The following NF1 variants were observed in gnomAD, a reference collection of about 807,000 sequenced individuals.
NF1 encodes neurofibromin 1.
In NF1, 122 loss-of-function variants were observed where a neutral mutation model predicts 325.7. That is an observed-to-expected ratio of 0.37 (90% CI 0.32 to 0.44). The LOEUF (loss-of-function observed/expected upper bound fraction) is 0.44, where lower values mean the gene tolerates loss of function less well. Among genes scored for constraint, NF1 ranks in the 20% least tolerant of loss-of-function variants. The probability of loss-of-function intolerance (pLI) is 1.00; values close to 1 mark genes in which losing one functional copy is unlikely to be tolerated. For missense variants in NF1, 2,140 were observed against 3,415.4 expected (o/e 0.63, Z 9.31); for synonymous variants, 1,091 against 1,186.0 (o/e 0.92, Z 1.65).
intron 47 of NF1, among the ~76,000 whole-genome samples, chr17:31,341,688 GGTGT>G (rs142968323): frequency 1.6e-3 from 233 of 147,112 alleles, no homozygotes; most frequent in African/African-American, 5.3e-3. Context: ...GTGCTAATGG[GGTGT>G]GTGTGTGTGT....
At chr17:31,288,547 G>A (rs1280944351) in intron 36 of NF1, among the ~76,000 whole-genome samples, 1 of 59,488 alleles carries the variant, frequency 1.7e-5, no homozygotes, top group Non-Finnish European at 5.0e-5. Flanking sequence ...TTTTTTTTTT[G>A]GAGTGGGAGA....
chr17:31,227,552 A>T lies in NF1; in HGVS notation c.2355A>T (p.Glu785Asp), dbSNP rs876658622. ...EAWEDTHAKWEQATKLILNYP... is the reference protein window; with the variant it reads ...EAWEDTHAKWDQATKLILNYP... The stretch of plus-strand genomic sequence containing the variant: ...GGGAAGATACACATGCAAAATGGGA[A>T]CAAGCAACAAAGCTAATCCTTAACT... Residue 785 changes from glutamate (E) to aspartate (D), a missense_variant, in exon 20 of 58, where the codon GAA becomes GAT. Physicochemically the swap from Glu to Asp is conservative, Grantham distance 45. Transcript: ENST00000358273. 6.2e-7 allele frequency: 1 copy of T among 1,613,924 alleles called. No individual in the cohort carries two copies. Among genetic ancestry groups the T allele is most frequent in the Non-Finnish European group, 8.5e-7 (1 of 1,179,832 alleles).
At chr17:31,304,064 T>C (rs1237066518) in intron 36 of NF1, 1 of 503,200 alleles carries the variant, frequency 2.0e-6, no homozygotes, top group Non-Finnish European at 3.5e-6. Context: ...ATAGGTACTA[T>C]AATTAGTAAA....
intron 1 of NF1, among the ~76,000 whole-genome samples, chr17:31,121,557 G>A (rs1914444062): frequency 6.6e-6 from 1 of 151,540 alleles, no homozygotes; most frequent in South Asian, 2.1e-4. Flanking sequence ...CCCAGCTGTG[G>A]GTTTGTTATA....
At chr17:31,206,411 A>G (rs186695585) in intron 12 of NF1, 40 bp downstream of exon 12, 40 of 1,611,956 alleles carry the variant, frequency 2.5e-5, no homozygotes, top group African/African-American at 4.0e-5. Context: ...CCTCCTTTCT[A>G]TTGCATTTTT....
rs117984423 is a variant in NF1 at position 31,100,282 on chromosome 17, C to T, written c.60+4913C>T. ...GTATAAAATGATTGGCAAGTATCTT[C>T]GAAATTACAAACCACATACTGATTA... is the stretch of plus-strand genomic sequence containing the variant. On this transcript the variant is annotated intron_variant, in intron 1 of 57. Transcript: ENST00000358273. Among the ~76,000 whole-genome samples, 61 of 152,172 alleles carry T rather than the reference C, an allele frequency of 4.0e-4. No homozygotes were observed. The East Asian group carries it at 8.5e-3, about 21-fold the overall frequency.
intron 29 of NF1, among the ~76,000 whole-genome samples, chr17:31,244,654 T>G (rs2067360155): frequency 6.6e-6 from 1 of 152,116 alleles, no homozygotes; most frequent in African/African-American, 2.4e-5. Context: ...AAATGCAGAT[T>G]TTCTTTGCAC....
intron 36 of NF1, among the ~76,000 whole-genome samples, chr17:31,324,070 TTTTTTG>T (rs994298070): frequency 6.6e-6 from 1 of 152,172 alleles, no homozygotes; most frequent in African/African-American, 2.4e-5. Flanking sequence ...TTTTTTGGTT[TTTTTTG>T]TTTTTGTTTT....
At chr17:31,129,801 T>C (rs1213248071) in intron 1 of NF1, among the ~76,000 whole-genome samples, 2 of 152,226 alleles carry the variant, frequency 1.3e-5, no homozygotes, top group Non-Finnish European at 2.9e-5. Flanking sequence ...CTATTTTGTC[T>C]GTCAGCTCTG....
intron 36 of NF1, among the ~76,000 whole-genome samples, chr17:31,291,075 C>G (rs1279709274): frequency 6.6e-6 from 1 of 152,026 alleles, no homozygotes; most frequent in Non-Finnish European, 1.5e-5. Flanking sequence ...ACTTCTTTTT[C>G]TATTCTTGCT....
At position 31,364,395 on chromosome 17, in the gene NF1, A is replaced by G. The variant is rs74835305; in HGVS notation, c.8377+3692A>G. On this transcript the variant is annotated intron_variant, in intron 57 of 57. Coordinates refer to ENST00000358273, the MANE Select transcript of NF1 (RefSeq NM_001042492.3). ...GCTATAAATGTTTCATGTCAATGCAAAACTCTTCATTCTAGATCTTTGATG... is the reference window on the plus strand; with the variant it reads ...GCTATAAATGTTTCATGTCAATGCAGAACTCTTCATTCTAGATCTTTGATG... 2.1e-3 allele frequency among the ~76,000 whole-genome samples: 324 copies of G among 152,352 alleles called. 1 individual carries two copies. Among genetic ancestry groups the G allele is most frequent in the African/African-American group, 7.3e-3 (304 of 41,588 alleles).
chr17:31,333,685 C>A (rs1247726825), intron 39 of NF1, among the ~76,000 whole-genome samples: 1 of 152,138 alleles, frequency 6.6e-6, no homozygotes, highest in Non-Finnish European at 1.5e-5. Flanking sequence ...GGCTTTGTTA[C>A]AGAATTTCAG....
chr17:31,219,524 G>T (rs1021765507), intron 14 of NF1, among the ~76,000 whole-genome samples: 3 of 150,914 alleles, frequency 2.0e-5, no homozygotes, highest in Non-Finnish European at 4.4e-5. Flanking sequence ...GGTTACATGC[G>T]CACAATGTGC....
At chr17:31,145,004 A>G (rs1916490247) in intron 1 of NF1, among the ~76,000 whole-genome samples, 1 of 152,222 alleles carries the variant, frequency 6.6e-6, no homozygotes, top group Admixed American at 6.5e-5. Flanking sequence ...AAGGCTTTTC[A>G]TGATCTGACT....
intron 36 of NF1, among the ~76,000 whole-genome samples, chr17:31,287,075 A>C (rs1044952326): frequency 6.6e-6 from 1 of 152,230 alleles, no homozygotes; most frequent in Non-Finnish European, 1.5e-5. Flanking sequence ...TCAGACATCT[A>C]ATTTTTTACT....
chr17:31,334,478 A>G (rs1399017391), intron 39 of NF1, among the ~76,000 whole-genome samples: 1 of 152,204 alleles, frequency 6.6e-6, no homozygotes, highest in Admixed American at 6.5e-5. Flanking sequence ...GAGATGATAC[A>G]CCAATGTTAA....
At chr17:31,140,079 A>T (rs796968537) in intron 1 of NF1, among the ~76,000 whole-genome samples, 4 of 152,306 alleles carry the variant, frequency 2.6e-5, no homozygotes, top group African/African-American at 9.6e-5. Flanking sequence ...ACTCCTGACC[A>T]TAGGGGATAA....
intron 1 of NF1, among the ~76,000 whole-genome samples, chr17:31,099,303 C>T (rs1300310058): frequency 1.3e-5 from 2 of 152,196 alleles, no homozygotes; most frequent in Non-Finnish European, 2.9e-5. Context: ...ACATTTTGAG[C>T]TCACATTCTT....
At chr17:31,279,007 G>C (rs1456779847) in intron 36 of NF1, among the ~76,000 whole-genome samples, 1 of 152,160 alleles carries the variant, frequency 6.6e-6, no homozygotes, top group East Asian at 1.9e-4. Context: ...GGAAGGCCAA[G>C]GCAAGAGGAT....
Sources: gnomAD v4.1 joint callset for allele counts (sites outside exome capture counted in the v4.1 genomes callset) on GRCh38, gnomAD v4.1.1 for gene constraint, MANE v1.5 for transcripts, NCBI Gene and HGNC (gene_info 2026-07-23, HGNC 2026-07-21) for gene names.